Variants in PLK2 observed in about 807,000 individuals in gnomAD.
PLK2 encodes polo like kinase 2.
In PLK2, 25 loss-of-function variants were observed where a neutral mutation model predicts 78.1. That is an observed-to-expected ratio of 0.32 (90% CI 0.23 to 0.45). The LOEUF (loss-of-function observed/expected upper bound fraction) is 0.45, where lower values mean the gene tolerates loss of function less well. Ranked by LOEUF, PLK2 falls within the 20% of genes least tolerant of loss-of-function variation. The pLI is 1.00. For synonymous variants in PLK2, 332 were observed against 298.2 expected (o/e 1.11, Z -1.17); for missense variants, 566 against 840.2 (o/e 0.67, Z 4.04).
rs369030098 is a variant in PLK2 at position 58,456,570 on chromosome 5, A to T, written c.1176T>A (p.Asp392Glu). The change falls in exon 9 of 14, where the codon GAT (aspartate) becomes GAA (glutamate). Residue 392 changes from aspartate (D) to glutamate (E), a missense_variant. By Grantham distance (45) the Asp-to-Glu change is conservative. Transcript: ENST00000274289. ...CATGCCTAAGCTTGTAGATGTCTTC[A>T]TCTTCTTTAGACACTCTATCTGTAT... The part of the protein sequence containing the change: ...IDTHNRVSKE[D>E]EDIYKLRHDL... 1.2e-6 allele frequency: 2 copies of T among 1,600,092 alleles called. No individual in the cohort carries two copies. Among genetic ancestry groups the T allele is most frequent in the Non-Finnish European group, 1.7e-6 (2 of 1,167,802 alleles).
Position 58,454,994 on chromosome 5 carries a change from T to A in PLK2, c.1783A>T (p.Ile595Phe). The change falls in exon 13 of 14, where the codon ATT (isoleucine) becomes TTT (phenylalanine). Residue 595 changes from isoleucine (I) to phenylalanine (F), a missense_variant. By Grantham distance (21) the Ile-to-Phe change is conservative. Around this residue, in one of 5 missense-constraint regions of PLK2, gnomAD observed 130 missense variants for 196.4 expected, o/e 0.66. Coordinates refer to ENST00000274289, the MANE Select transcript of PLK2 (RefSeq NM_006622.4). ...DGGDLPSVTD[I>F]RRPRLYLLQW... ...AGGAGGTAGAGCCGAGGTCTTCGAA[T>A]ATCAGTAACACTAGGCAGATCTCCA... The A allele has an allele frequency of 6.2e-7, 1 of 1,610,552 alleles. No homozygotes were observed. The highest frequency in any genetic ancestry group is 8.5e-7 in the Non-Finnish European group (1 of 1,176,784).
Position 58,458,519 on chromosome 5 carries a change from G to C in PLK2, c.505C>G (p.His169Asp). The C allele has an allele frequency of 6.2e-7, 1 of 1,611,038 alleles. No homozygotes were observed. Among genetic ancestry groups the C allele is most frequent in the Non-Finnish European group, 8.5e-7 (1 of 1,178,680 alleles). The change falls in exon 4 of 14, where the codon CAT becomes GAT. Residue 169 changes from histidine to aspartate, a missense_variant. Around this residue, in one of 5 missense-constraint regions of PLK2, gnomAD observed 179 missense variants for 342.3 expected, o/e 0.52. Transcript: ENST00000274289. ...AACACCTTTCTTGCTTTCAAAATAT[G>C]AGCCATTGACTAAGAAGAGGAGAAG... ...LEYCSRRSMA[H>D]ILKARKVLTE... is the part of the protein sequence containing the mutation.
In PLK2 at chr5:58,460,085, G is replaced by T; in HGVS notation, c.-126C>A. The T allele has an allele frequency of 8.9e-7, 1 of 1,117,626 alleles. No individual in the cohort carries two copies. The highest frequency in any genetic ancestry group is 1.2e-6 in the Non-Finnish European group (1 of 802,180). The allele number at this position is 1,117,626 out of a possible 1,614,324, so 69.2% of individuals were successfully genotyped here. ...GCACCCAACACCCCGGTCCACTTGT[G>T]CGAGTGAGAGCGCTCGGCGAAGTCT... On this transcript the variant is annotated 5_prime_UTR_variant, in exon 1 of 14. Transcript: ENST00000274289.
chr5:58,459,684 T>A lies in PLK2; in HGVS notation c.270+6A>T, dbSNP rs1226416683. 1.3e-6 allele frequency: 2 copies of A among 1,560,846 alleles called. No individual in the cohort carries two copies. The highest frequency in any genetic ancestry group is 8.7e-7 in the Non-Finnish European group (1 of 1,151,534). On this transcript the variant is annotated splice_donor_region_variant and intron_variant, in intron 1 of 13. Transcript: ENST00000274289. ...GCCCGGCAGCCCGGCGCCCTCCGCT[T>A]GTCACCTTTCCCAGCACTTTGCCCC...
chr5:58,455,481 A>G, intron 11 of PLK2, 58 bp downstream of exon 11: 1 of 1,610,638 alleles, frequency 6.2e-7, no homozygotes, highest in Non-Finnish European at 8.5e-7. Context: ...CATTGTTTTT[A>G]GATTTCTTTA....
rs2111702472 is a variant in PLK2, at chr5:58,454,116, G to A, written c.*467C>T. The A allele has an allele frequency of 6.5e-6, 1 of 153,226 alleles. No individual in the cohort carries two copies. Among genetic ancestry groups the A allele is most frequent in the South Asian group, 2.1e-4 (1 of 4,830 alleles). 9.5% of individuals were successfully genotyped at this position (153,226 alleles called of 1,614,324 possible). A position where few individuals can be genotyped will look rare whatever the true frequency, so the allele number is the denominator to read the frequency against. On this transcript the variant is annotated 3_prime_UTR_variant, in exon 14 of 14. Transcript: ENST00000274289. ...TATTAACAAGGAATGCACTTTTCCA[G>A]CCACAAGTATCTTCAAAAATTAATG...
chr5:58,456,078 A>T lies in PLK2; in HGVS notation c.1332T>A (p.Ala444=), dbSNP rs1561215886. 5 of 1,613,938 alleles carry T rather than the reference A, an allele frequency of 3.1e-6. No individual in the cohort carries two copies. The highest frequency in any genetic ancestry group is 1.3e-5 in the African/African-American group (1 of 74,906). The part of the protein sequence containing the change: ...AVENKQQIGD[A]IRMIVRGTLG... The stretch of plus-strand genomic sequence containing the variant: ...GAGTCCCTCTGACTATCATCCGAAT[A>T]GCATCCCCAATCTGCTGCTTGTTTT... The change falls in exon 10 of 14, where the codon GCT becomes GCA. Residue 444 remains alanine, a synonymous_variant. Coordinates refer to ENST00000274289, the MANE Select transcript of PLK2 (RefSeq NM_006622.4).
At position 58,458,475 on chromosome 5, in the gene PLK2, T is replaced by C. The variant is rs144476269; in HGVS notation, c.549A>G (p.Arg183=). ...ARKVLTEPEV[R]YYLRQIVSGL... is the part of the protein sequence containing the mutation. ...CAGACACAATCTGCCTGAGGTAGTA[T>C]CGAACTTCTGGCTCTGTCAACACCT... The change falls in exon 4 of 14, where the codon CGA becomes CGG. Residue 183 remains arginine, a synonymous_variant. Coordinates refer to ENST00000274289, the MANE Select transcript of PLK2 (RefSeq NM_006622.4). The C allele has an allele frequency of 9.9e-6, 16 of 1,612,938 alleles. No individual in the cohort carries two copies. The highest frequency in any genetic ancestry group is 1.4e-5 in the Non-Finnish European group (16 of 1,178,906).
Position 58,454,289 on chromosome 5 carries a change from C to A in PLK2, c.*294G>T. ...TCCAAAGTCCTCTGGCTGAAATGCT[C>A]TCAACAGAGAGAATTTAAGAATCAA... On this transcript the variant is annotated 3_prime_UTR_variant, in exon 14 of 14. Coordinates refer to ENST00000274289, the MANE Select transcript of PLK2 (RefSeq NM_006622.4). The A allele has an allele frequency of 3.8e-6, 1 of 266,548 alleles. No homozygotes were observed. Among genetic ancestry groups the A allele is most frequent in the East Asian group, 6.7e-5 (1 of 14,964 alleles). The allele number at this position is 266,548 out of a possible 1,614,324, so 16.5% of individuals were successfully genotyped here. A position where few individuals can be genotyped will look rare whatever the true frequency, so the allele number is the denominator to read the frequency against.
intron 1 of PLK2, 181 bp from the exon 2 acceptor site, chr5:58,459,273 T>A: frequency 1.7e-6 from 1 of 599,038 alleles, no homozygotes; most frequent in South Asian, 2.1e-5. Flanking sequence ...AGAAATGCAT[T>A]GCTGGAAACA....
rs1254871000 is a variant in PLK2 at position 58,458,104 on chromosome 5, T to C, written c.693A>G (p.Glu231=). The stretch of plus-strand genomic sequence containing the variant: ...CTTACCTCCTTCTGTGTTCCAAGGG[T>C]TCTAGCCTGGCTGCCAGACCGAAGT... ...VGDFGLAARL[E]PLEHRRRTIC... The change falls in exon 5 of 14, where the codon GAA becomes GAG. Residue 231 remains glutamate (E), a synonymous_variant. Coordinates refer to ENST00000274289, the MANE Select transcript of PLK2 (RefSeq NM_006622.4). 7 of 1,612,820 alleles carry C rather than the reference T, an allele frequency of 4.3e-6. No homozygotes were observed. The Admixed American group carries it at 6.7e-5, about 15-fold the overall frequency.
At position 58,460,076 on chromosome 5, in the gene PLK2, T is replaced by C; in HGVS notation, c.-117A>G. The C allele has an allele frequency of 6.4e-6, 8 of 1,246,278 alleles. No homozygotes were observed. The highest frequency in any genetic ancestry group is 8.8e-6 in the Non-Finnish European group (8 of 912,142). The allele number at this position is 1,246,278 out of a possible 1,614,324, so 77.2% of individuals were successfully genotyped here. ...TGCCGACTAGCACCCAACACCCCGG[T>C]CCACTTGTGCGAGTGAGAGCGCTCG... On this transcript the variant is annotated 5_prime_UTR_variant, in exon 1 of 14. Coordinates refer to ENST00000274289, the MANE Select transcript of PLK2 (RefSeq NM_006622.4).
chr5:58,456,053 G>A lies in PLK2; in HGVS notation c.1357C>T (p.Leu453Phe). Residue 453 changes from leucine to phenylalanine, a missense_variant, in exon 10 of 14, where the codon CTT becomes TTT. Physicochemically the swap from Leu to Phe is conservative, Grantham distance 22 (BLOSUM62 0). Around this residue, in one of 5 missense-constraint regions of PLK2, gnomAD observed 129 missense variants for 156.0 expected, o/e 0.83. Coordinates refer to ENST00000274289, the MANE Select transcript of PLK2 (RefSeq NM_006622.4). ...DAIRMIVRGT[L>F]GSCSSSSECL... Reference sequence around the variant, plus strand: ...TCACTGCTGCTGCTACAGCTGCCAAGAGTCCCTCTGACTATCATCCGAATA... The same window carrying A: ...TCACTGCTGCTGCTACAGCTGCCAAAAGTCCCTCTGACTATCATCCGAATA... 6.2e-7 allele frequency: 1 copy of A among 1,613,492 alleles called. No individual in the cohort carries two copies. The highest frequency in any genetic ancestry group is 1.1e-5 in the South Asian group (1 of 90,892).
At chr5:58,456,644 C>T in intron 8 of PLK2, 55 bp from the exon 9 acceptor site, 1 of 1,094,680 alleles carries the variant, frequency 9.1e-7, no homozygotes, top group Non-Finnish European at 1.4e-6. Flanking sequence ...AAGGTAGGAA[C>T]AGGGTTAGTC....
rs373697945 is a variant in PLK2 at position 58,455,592 on chromosome 5, G to A, written c.1572C>T (p.Thr524=). Residue 524 remains threonine, a synonymous_variant, in exon 11 of 14, where the codon ACC becomes ACT. Coordinates refer to ENST00000274289, the MANE Select transcript of PLK2 (RefSeq NM_006622.4). ...YGFGYQLSDH[T]VGVLFNNGAH... ...CACCATTGTTGAAAAGGACACCGAC[G>A]GTGTGGTCTGAGAGCTGGTACCCAA... The A allele has an allele frequency of 2.0e-5, 32 of 1,613,762 alleles. No homozygotes were observed. The highest frequency in any genetic ancestry group is 4.0e-5 in the African/African-American group (3 of 74,910).
In PLK2 at chr5:58,456,130, A is replaced by G. The variant is rs151067491; in HGVS notation, c.1280T>C (p.Val427Ala). The change falls in exon 10 of 14, where the codon GTT (valine) becomes GCT (alanine). Residue 427 changes from valine (V) to alanine (A), a missense_variant. Physicochemically the swap from Val to Ala is moderately conservative, Grantham distance 64. Around this residue, in one of 5 missense-constraint regions of PLK2, gnomAD observed 129 missense variants for 156.0 expected, o/e 0.83. Coordinates refer to ENST00000274289, the MANE Select transcript of PLK2 (RefSeq NM_006622.4). ...TACTGCGGGTGTTCCAGACCTGGCA[A>G]CTGTGGTGGTAGGTGGCTGGAGCTC... ...DEELQPPTTT[V>A]ARSGTPAVEN... 2.5e-6 allele frequency: 4 copies of G among 1,613,820 alleles called. No individual in the cohort carries two copies. The highest frequency in any genetic ancestry group is 8.5e-7 in the Non-Finnish European group (1 of 1,179,836).
chr5:58,459,406 A>G (rs1425241543), intron 1 of PLK2: 1 of 567,012 alleles, frequency 1.8e-6, no homozygotes, highest in South Asian at 2.4e-5. Context: ...GGGAGCAGAT[A>G]GAGGGAGAGA....
intron 9 of PLK2, 89 bp downstream of exon 9, chr5:58,456,403 A>C (rs901770146): frequency 1.1e-6 from 1 of 883,198 alleles, no homozygotes; most frequent in Admixed American, 2.3e-5. Flanking sequence ...GACATATTTG[A>C]ACCATGATAA....
At chr5:58,455,077 C>T (rs1579963166) in intron 12 of PLK2, 56 bp from the exon 13 acceptor site, 5 of 1,175,370 alleles carry the variant, frequency 4.3e-6, no homozygotes, top group Admixed American at 1.9e-5. Flanking sequence ...AGCATGCACT[C>T]TATTATTATT....
Sources: gnomAD v4.1 joint callset for allele counts on GRCh38, gnomAD v4.1.1 for gene constraint, gnomAD v4.1.1 regional missense constraint, MANE v1.5 for transcripts, NCBI Gene and HGNC (gene_info 2026-07-23, HGNC 2026-07-21) for gene names.